The following NR6A1 variants were observed in gnomAD, a reference collection of about 807,000 sequenced individuals.
NR6A1 encodes retinoic acid receptor-related testis-associated receptor.
NR6A1 carries 7 observed loss-of-function variants against 59.1 expected under a neutral mutation model. That is an observed-to-expected ratio of 0.12 (90% CI 0.07 to 0.22). The LOEUF is 0.22. Among genes scored for constraint, NR6A1 ranks in the 10% least tolerant of loss-of-function variants. The pLI is 1.00. For missense variants in NR6A1, 468 were observed against 611.6 expected (o/e 0.77, Z 2.48); for synonymous variants, 243 against 236.1 (o/e 1.03, Z -0.27).
chr9:124,599,551 G>A (rs1415626025), intron 2 of NR6A1: 2 of 734,568 alleles, frequency 2.7e-6, no homozygotes, highest in Non-Finnish European at 4.1e-6. Flanking sequence ...AAGTATCGTG[G>A]TCTTCCTGAG....
chr9:124,561,979 G>A (rs1834097056), intron 2 of NR6A1, among the ~76,000 whole-genome samples: 2 of 152,196 alleles, frequency 1.3e-5, no homozygotes, highest in Admixed American at 1.3e-4. Context: ...CAGCCTGGTG[G>A]CAGGGGAAAG....
rs905840285 is a variant in NR6A1 at position 124,771,190 on chromosome 9, C to T, written c.-71G>A. 2.2e-6 allele frequency: 2 copies of T among 916,532 alleles called. No individual in the cohort carries two copies. The highest frequency in any genetic ancestry group is 1.7e-5 in the African/African-American group (1 of 58,346). 56.8% of individuals were successfully genotyped at this position (916,532 alleles called of 1,614,324 possible). ...CCGGCGCCCTAGTCGCCGTGGTCGT[C>T]GTCCGCCGAGGGGAGGAGGTTGTCA... On this transcript the variant is annotated 5_prime_UTR_variant, in exon 1 of 10. Coordinates refer to ENST00000487099, the MANE Select transcript of NR6A1 (RefSeq NM_033334.4).
intron 2 of NR6A1, among the ~76,000 whole-genome samples, chr9:124,630,966 C>T (rs1341004924): frequency 6.6e-6 from 1 of 152,050 alleles, no homozygotes; most frequent in Non-Finnish European, 1.5e-5. Flanking sequence ...AGCCACTATG[C>T]CGGGCCCTAC....
At chr9:124,689,344 AC>A (rs151337694) in intron 2 of NR6A1, among the ~76,000 whole-genome samples, 1,880 of 152,340 alleles carry the variant, frequency 0.012, 39 homozygotes, top group African/African-American at 0.042. Context: ...TCTGCTCTTT[AC>A]TATGCTGTAA....
chr9:124,631,742 T>C (rs1012748339), intron 2 of NR6A1, among the ~76,000 whole-genome samples: 5 of 152,240 alleles, frequency 3.3e-5, no homozygotes, highest in African/African-American at 1.2e-4. Flanking sequence ...TGGAAGTTTG[T>C]TGTACAGATC....
intron 2 of NR6A1, among the ~76,000 whole-genome samples, chr9:124,580,561 T>C (rs1834734718): frequency 6.6e-6 from 1 of 152,224 alleles, no homozygotes; most frequent in Admixed American, 6.5e-5. Flanking sequence ...GGTTCACACC[T>C]GTAATCCCAG....
intron 2 of NR6A1, among the ~76,000 whole-genome samples, chr9:124,662,031 C>T (rs1837452799): frequency 1.3e-5 from 2 of 149,490 alleles, no homozygotes; most frequent in African/African-American, 2.5e-5. Context: ...ACAAGTATGA[C>T]AAGATAGCTA....
At chr9:124,770,945 G>T in intron 1 of NR6A1, 75 bp downstream of exon 1, 2 of 857,952 alleles carry the variant, frequency 2.3e-6, no homozygotes, top group Non-Finnish European at 3.1e-6. Context: ...GGTCGGCAGA[G>T]AGGAGGGGGA....
chr9:124,631,275 A>G (rs1836434173), intron 2 of NR6A1, among the ~76,000 whole-genome samples: 1 of 152,178 alleles, frequency 6.6e-6, no homozygotes, highest in African/African-American at 2.4e-5. Context: ...TCTGCATTTT[A>G]GCGTTTGTTT....
chr9:124,690,752 C>T (rs150546041), intron 2 of NR6A1, among the ~76,000 whole-genome samples: 3 of 151,956 alleles, frequency 2.0e-5, no homozygotes, highest in East Asian at 1.9e-4. Flanking sequence ...ATCCTTGCAC[C>T]GAGTATATAA....
chr9:124,620,751 C>T (rs1286118388), intron 2 of NR6A1, among the ~76,000 whole-genome samples: 5 of 151,298 alleles, frequency 3.3e-5, no homozygotes, highest in Non-Finnish European at 7.4e-5. Flanking sequence ...GGTAAATATA[C>T]CAAACATCGC....
At chr9:124,662,582 T>A (rs1212170051) in intron 2 of NR6A1, among the ~76,000 whole-genome samples, 1 of 152,190 alleles carries the variant, frequency 6.6e-6, no homozygotes, top group African/African-American at 2.4e-5. Context: ...ACTCACAATG[T>A]GACTCCTTGT....
chr9:124,567,112 A>T (rs567532523), intron 2 of NR6A1, among the ~76,000 whole-genome samples: 2 of 152,100 alleles, frequency 1.3e-5, no homozygotes, highest in East Asian at 3.9e-4. Flanking sequence ...CGTCTCAAAA[A>T]AAAAAAAATA....
intron 2 of NR6A1, among the ~76,000 whole-genome samples, chr9:124,690,830 A>C (rs1053278833): frequency 1.3e-5 from 2 of 152,200 alleles, no homozygotes; most frequent in African/African-American, 4.8e-5. Context: ...TAAAAACTAA[A>C]GAACTTAAAG....
intron 3 of NR6A1, among the ~76,000 whole-genome samples, chr9:124,552,595 A>G (rs1487598398): frequency 2.0e-5 from 3 of 152,226 alleles, no homozygotes; most frequent in East Asian, 1.9e-4. Flanking sequence ...TTAAGCAGGT[A>G]CAAGCTCTGC....
intron 7 of NR6A1, among the ~76,000 whole-genome samples, chr9:124,534,563 T>C (rs1833197083): frequency 6.6e-6 from 1 of 152,206 alleles, no homozygotes; most frequent in African/African-American, 2.4e-5. Flanking sequence ...TTAAGGATAC[T>C]GGACAGCTGG....
chr9:124,711,253 C>T (rs1839272361), intron 2 of NR6A1, among the ~76,000 whole-genome samples: 2 of 150,216 alleles, frequency 1.3e-5, no homozygotes, highest in Non-Finnish European at 3.0e-5. Flanking sequence ...TCTATTCTAG[C>T]CTGCCAGGTC....
At chr9:124,637,913 GA>G (rs1236395877) in intron 2 of NR6A1, among the ~76,000 whole-genome samples, 44 of 118,410 alleles carry the variant, frequency 3.7e-4, no homozygotes, top group Non-Finnish European at 4.8e-4. Context: ...AAAAAAAAAA[GA>G]AAAAAAGGGA....
chr9:124,540,949 C>T (rs1316562693), intron 4 of NR6A1, among the ~76,000 whole-genome samples: 3 of 152,108 alleles, frequency 2.0e-5, no homozygotes, highest in Middle Eastern at 6.8e-3. Context: ...CAAAAGACAT[C>T]GACCCCTTAT....
Sources: allele counts gnomAD v4.1 joint callset (sites outside exome capture counted in the v4.1 genomes callset), GRCh38; gene constraint gnomAD v4.1.1; transcripts MANE v1.5; gene names NCBI Gene and HGNC (gene_info 2026-07-23, HGNC 2026-07-21).